The following ADAMTSL1 variants were observed in gnomAD, a reference collection of about 807,000 sequenced individuals.
ADAMTSL1 encodes the protein ADAMTS-like protein 1.
In ADAMTSL1, 126 loss-of-function variants were observed where a neutral mutation model predicts 201.8. The ratio of observed to expected loss-of-function variants is 0.62; its 90% CI spans 0.54 to 0.72. ADAMTSL1 has a LOEUF of 0.72. Among genes scored for constraint, ADAMTSL1 ranks in the 30% least tolerant of loss-of-function variants. The pLI is 0.00. For missense variants in ADAMTSL1, 2,679 were observed against 2,277.8 expected, an observed-to-expected ratio of 1.18 and a Z score of -3.59; for synonymous variants, 1,121 against 903.4, an observed-to-expected ratio of 1.24 and a Z score of -4.32.
intron 2 of ADAMTSL1, among the ~76,000 whole-genome samples, chr9:18,202,193 A>G (rs2132277944): frequency 6.6e-6 from 1 of 152,302 alleles, no homozygotes; most frequent in South Asian, 2.1e-4. Context: ...GTGTAAAGTC[A>G]GAAAGAACTG....
In ADAMTSL1 at chr9:18,454,133, G is replaced by C. The variant is rs540749225; in HGVS notation, c.208-50696G>C. 3.4e-3 allele frequency among the ~76,000 whole-genome samples: 522 copies of C among 152,288 alleles called. 5 individuals carry two copies. The highest frequency in any genetic ancestry group is 0.024 in the Middle Eastern group (7 of 294). Reference sequence around the variant, plus strand: ...AGCTGGAGACCCTAAGCATAGCTCAGTCTAAGTCTGAAAGCCTCAGAACCA... The same window carrying C: ...AGCTGGAGACCCTAAGCATAGCTCACTCTAAGTCTGAAAGCCTCAGAACCA... On this transcript the variant is annotated intron_variant, in intron 2 of 29. Transcript: ENST00000680146.
chr9:18,407,934 A>G (rs913045257), intron 2 of ADAMTSL1, among the ~76,000 whole-genome samples: 5 of 152,198 alleles, frequency 3.3e-5, no homozygotes, highest in Non-Finnish European at 5.9e-5. Context: ...GCAATGTTAT[A>G]GGGGATGTTT....
intron 1 of ADAMTSL1, among the ~76,000 whole-genome samples, chr9:17,977,369 A>T (rs1818497198): frequency 6.6e-6 from 1 of 152,122 alleles, no homozygotes; most frequent in South Asian, 2.1e-4. Flanking sequence ...CATTCTTCAA[A>T]AAGATTTTGA....
chr9:18,778,892 C>G (rs1449699842), intron 19 of ADAMTSL1, among the ~76,000 whole-genome samples: 1 of 152,220 alleles, frequency 6.6e-6, no homozygotes, highest in Non-Finnish European at 1.5e-5. Flanking sequence ...GTCCTCTAGT[C>G]TAGATTCCTC....
In ADAMTSL1 at chr9:18,533,286, T is replaced by C. The variant is rs757808928; in HGVS notation, c.231T>C (p.Ser77=). Reference sequence around the variant, plus strand: ...GAAATATCCGATACAGAACATGCAGTAATGTGGTAAGTATAAGGTTCTGAG... The same window carrying C: ...GAAATATCCGATACAGAACATGCAGCAATGTGGTAAGTATAAGGTTCTGAG... The part of the protein sequence containing the change: ...EGRNIRYRTC[S]NVDCPPEAGD... Residue 77 remains serine (S), a synonymous_variant, in exon 3 of 29, where the codon AGT becomes AGC. Transcript: ENST00000380548. The C allele has an allele frequency of 1.1e-5, 17 of 1,609,580 alleles. No individual in the cohort carries two copies. The highest frequency in any genetic ancestry group is 1.4e-5 in the Non-Finnish European group (16 of 1,177,878).
At chr9:18,213,569 T>A (rs1458864231) in intron 2 of ADAMTSL1, among the ~76,000 whole-genome samples, 3 of 152,222 alleles carry the variant, frequency 2.0e-5, no homozygotes, top group Non-Finnish European at 4.4e-5. Context: ...TGTTTTCTGT[T>A]ACTTCATAAC....
intron 2 of ADAMTSL1, among the ~76,000 whole-genome samples, chr9:18,236,274 G>A (rs1167584175): frequency 6.6e-6 from 1 of 152,118 alleles, no homozygotes; most frequent in Non-Finnish European, 1.5e-5. Context: ...GTTTCACTAA[G>A]TTGGCCAGGC....
chr9:18,787,617 T>G (rs1821779750), intron 19 of ADAMTSL1, among the ~76,000 whole-genome samples: 1 of 152,128 alleles, frequency 6.6e-6, no homozygotes, highest in African/African-American at 2.4e-5. Context: ...ACTTTTCTAG[T>G]AAAGGGCCAA....
chr9:18,480,121 A>G (rs967067055), intron 1 of ADAMTSL1, among the ~76,000 whole-genome samples: 6 of 152,214 alleles, frequency 3.9e-5, no homozygotes, highest in Non-Finnish European at 7.3e-5. Context: ...CGATACTTAC[A>G]TTAGTCACAG....
intron 20 of ADAMTSL1, among the ~76,000 whole-genome samples, chr9:18,813,071 G>C (rs962142962): frequency 2.0e-5 from 3 of 150,502 alleles, no homozygotes; most frequent in African/African-American, 2.4e-5. Context: ...TGGTTCAAGT[G>C]ATTCTCCTGC....
At chr9:18,202,700 T>G (rs1040580832) in intron 2 of ADAMTSL1, among the ~76,000 whole-genome samples, 8 of 152,156 alleles carry the variant, frequency 5.3e-5, no homozygotes, top group Admixed American at 2.6e-4. Flanking sequence ...TTCCGTCCCC[T>G]TATTTATCTG....
chr9:18,584,989 T>C (rs771311878), intron 4 of ADAMTSL1, among the ~76,000 whole-genome samples: 11 of 152,242 alleles, frequency 7.2e-5, no homozygotes, highest in Non-Finnish European at 1.6e-4. Flanking sequence ...TCTATATTTC[T>C]ATCAACTGTC....
At chr9:18,392,908 A>C (rs1838110962) in intron 2 of ADAMTSL1, among the ~76,000 whole-genome samples, 1 of 152,244 alleles carries the variant, frequency 6.6e-6, no homozygotes, top group Non-Finnish European at 1.5e-5. Flanking sequence ...CTTAGGCTAC[A>C]CATGGCTATT....
chr9:18,876,163 C>A (rs886969535), intron 23 of ADAMTSL1, among the ~76,000 whole-genome samples: 2 of 152,080 alleles, frequency 1.3e-5, no homozygotes, highest in African/African-American at 2.4e-5. Flanking sequence ...TTGAAGACAG[C>A]AGATACTTGG....
chr9:18,709,089 T>A (rs1832401277), intron 14 of ADAMTSL1, among the ~76,000 whole-genome samples: 1 of 152,220 alleles, frequency 6.6e-6, no homozygotes, highest in African/African-American at 2.4e-5. Context: ...TCTTAGGTCT[T>A]TAAATGTCAA....
intron 1 of ADAMTSL1, among the ~76,000 whole-genome samples, chr9:17,908,126 G>A (rs1255797932): frequency 6.6e-5 from 10 of 152,176 alleles, no homozygotes; most frequent in Admixed American, 5.9e-4. Context: ...GAGCAGCAGG[G>A]ATTACTCTCA....
At chr9:18,256,145 C>T (rs571254523) in intron 2 of ADAMTSL1, among the ~76,000 whole-genome samples, 2 of 152,312 alleles carry the variant, frequency 1.3e-5, no homozygotes, top group South Asian at 4.1e-4. Context: ...TACAAGTCTA[C>T]ATTCTGCACC....
intron 2 of ADAMTSL1, among the ~76,000 whole-genome samples, chr9:18,176,149 C>T (rs940797588): frequency 2.6e-5 from 4 of 151,792 alleles, no homozygotes; most frequent in African/African-American, 9.7e-5. Context: ...TTTGTTGTAG[C>T]GTGCTGCTGG....
In ADAMTSL1 at chr9:18,411,198, T is replaced by A. The variant is rs140866875; in HGVS notation, c.208-93631T>A. On this transcript the variant is annotated intron_variant, in intron 2 of 29. Coordinates refer to the ADAMTSL1 transcript ENST00000680146. The stretch of plus-strand genomic sequence containing the variant: ...TATTTATTTATTTATTTATTTATTT[T>A]TATTTATTTATTTTTTGAGACAGGG... Among the ~76,000 whole-genome samples, 1,018 of 109,014 alleles carry A rather than the reference T, an allele frequency of 9.3e-3. 12 individuals carry two copies. Among genetic ancestry groups the A allele is most frequent in the African/African-American group, 0.036 (943 of 25,912 alleles). 71.5% of individuals were successfully genotyped at this position (109,014 alleles called of 152,430 possible).
Sources: gnomAD v4.1 joint callset for allele counts (sites outside exome capture counted in the v4.1 genomes callset) on GRCh38, gnomAD v4.1.1 for gene constraint, MANE v1.5 for transcripts, NCBI Gene and HGNC (gene_info 2026-07-23, HGNC 2026-07-21) for gene names.